The following UBAP2 variants were observed in gnomAD, a reference collection of about 807,000 sequenced individuals.
The protein encoded by UBAP2 is ubiquitin-associated protein 2.
In UBAP2, 75 loss-of-function variants were observed where a neutral mutation model predicts 139.6. The ratio of observed to expected loss-of-function variants is 0.54; its 90% CI spans 0.45 to 0.65. The LOEUF (loss-of-function observed/expected upper bound fraction) is 0.65. Among genes scored for constraint, UBAP2 ranks in the 30% least tolerant of loss-of-function variants. The pLI, the probability that UBAP2 is intolerant of heterozygous loss-of-function variation, is 0.00. For missense variants in UBAP2, 1,368 were observed against 1,369.6 expected, an observed-to-expected ratio of 1.00 and a Z score of 0.02; for synonymous variants, 526 against 526.2, an observed-to-expected ratio of 1.00 and a Z score of 0.01.
chr9:33,948,212 T>C (rs959671546), intron 13 of UBAP2, among the ~76,000 whole-genome samples, 162 bp downstream of exon 13: 16 of 152,168 alleles, frequency 1.1e-4, no homozygotes, highest in Non-Finnish European at 1.8e-4. Context: ...AATGCAAGTA[T>C]TGTATAACAA....
At chr9:34,013,896 A>G (rs1008259344) in intron 2 of UBAP2, among the ~76,000 whole-genome samples, 1 of 152,084 alleles carries the variant, frequency 6.6e-6, no homozygotes, top group African/African-American at 2.4e-5. Context: ...AAGAAAGAAA[A>G]AAATTGCCAA....
intron 2 of UBAP2, chr9:34,011,654 G>A: frequency 1.0e-6 from 1 of 987,476 alleles, no homozygotes; most frequent in African/African-American, 1.7e-5. Context: ...AGTGTCAAGA[G>A]GTCGGTACAG....
At chr9:34,012,305 CG>C (rs1823820413) in intron 2 of UBAP2, among the ~76,000 whole-genome samples, 1 of 152,066 alleles carries the variant, frequency 6.6e-6, no homozygotes, top group South Asian at 2.1e-4. Flanking sequence ...TCAAGGCAGG[CG>C]GATCACCTAA....
At chr9:33,956,317 A>AT (rs55858327) in intron 10 of UBAP2, among the ~76,000 whole-genome samples, 171 bp from the exon 11 acceptor site, 57 of 134,002 alleles carry the variant, frequency 4.3e-4, no homozygotes, top group African/African-American at 1.1e-3. Context: ...AGTGAATGCA[A>AT]TTTTTTTTTT....
At chr9:33,960,210 G>A (rs1202821323) in intron 10 of UBAP2, among the ~76,000 whole-genome samples, 3 of 151,866 alleles carry the variant, frequency 2.0e-5, no homozygotes, top group East Asian at 1.9e-4. Flanking sequence ...GAGTGCTGTT[G>A]TGAGTCACTA....
In UBAP2 at chr9:33,933,495, A is replaced by C. The variant is rs1158308096; in HGVS notation, c.2103T>G (p.Leu701=). 1 of 1,613,676 alleles carries C rather than the reference A, an allele frequency of 6.2e-7. No individual in the cohort carries two copies. Among genetic ancestry groups the C allele is most frequent in the Admixed American group, 1.7e-5 (1 of 60,000 alleles). Residue 701 remains leucine, a synonymous_variant, in exon 18 of 29, where the codon CTT becomes CTG. Coordinates refer to ENST00000379238, the MANE Select transcript of UBAP2 (RefSeq NM_001370062.2). ...GDLTSSPLSQ[L]SSSLSSHQSS... The stretch of plus-strand genomic sequence containing the variant: ...GGCCCACACCTTCCCCATACCTGCT[A>C]AGCTGAGAGAGAGGGCTGCTAGTCA...
intron 6 of UBAP2, among the ~76,000 whole-genome samples, chr9:33,977,108 G>A (rs1278798019): frequency 3.4e-5 from 5 of 148,104 alleles, no homozygotes; most frequent in Non-Finnish European, 4.5e-5. Flanking sequence ...GCGCCACCTC[G>A]GCTCACTGCA....
rs544146872 is a variant in UBAP2 at position 33,976,290 on chromosome 9, C to T, written c.521-3053G>A. The stretch of plus-strand genomic sequence containing the variant: ...AAAAAAATGCAGTATATTCATACAA[C>T]ATTATATTATATTGCCATAAAAAGG... On this transcript the variant is annotated intron_variant, in intron 6 of 28. Coordinates refer to ENST00000379238, the MANE Select transcript of UBAP2 (RefSeq NM_001370062.2). 4.1e-4 allele frequency among the ~76,000 whole-genome samples: 62 copies of T among 152,136 alleles called. 1 individual carries two copies. The highest frequency in any genetic ancestry group is 1.4e-3 in the African/African-American group (57 of 41,490).
intron 9 of UBAP2, among the ~76,000 whole-genome samples, chr9:33,963,486 G>A (rs934617492): frequency 6.6e-6 from 1 of 152,172 alleles, no homozygotes; most frequent in Non-Finnish European, 1.5e-5. Flanking sequence ...TCTAACGAAT[G>A]TATGTTAAGG....
chr9:33,980,022 G>A (rs112353215), intron 6 of UBAP2, among the ~76,000 whole-genome samples: 7,812 of 151,530 alleles, frequency 0.052, 693 homozygotes, highest in African/African-American at 0.18. Context: ...GCAGTGAGCC[G>A]AGATCACGCC....
intron 2 of UBAP2, among the ~76,000 whole-genome samples, chr9:34,002,294 C>T (rs1179640504): frequency 6.6e-6 from 1 of 151,806 alleles, no homozygotes; most frequent in African/African-American, 2.4e-5. Flanking sequence ...TAACATACTA[C>T]CATGTGGAAT....
At chr9:33,963,843 ATT>A in intron 8 of UBAP2, 52 bp from the exon 9 acceptor site, 1 of 1,273,620 alleles carries the variant, frequency 7.9e-7, no homozygotes, top group Non-Finnish European at 1.1e-6. Context: ...GAATGAAAGT[ATT>A]CATCACAGAG....
Position 33,922,870 on chromosome 9 carries a change from G to T in UBAP2, c.3081C>A (p.Asp1027Glu). 6.3e-7 allele frequency: 1 copy of T among 1,595,978 alleles called. No individual in the cohort carries two copies. Residue 1027 changes from aspartate (D) to glutamate (E), a missense_variant, in exon 28 of 29, where the codon GAC (aspartate) becomes GAA (glutamate). Coordinates refer to ENST00000379238, the MANE Select transcript of UBAP2 (RefSeq NM_001370062.2). ...GSVYNKTQTF[D>E]KQGFHAGTPP... ...GCGTCCCTGCATGAAATCCCTGCTT[G>T]TCAAAAGTCTACAGGGCAAAGAAGA...
At chr9:34,036,982 ATTTTT>A (rs141751803) in intron 1 of UBAP2, among the ~76,000 whole-genome samples, 22 of 57,432 alleles carry the variant, frequency 3.8e-4, no homozygotes, top group Admixed American at 1.0e-3. Flanking sequence ...ACACCCAGCT[ATTTTT>A]TTTTTTTTTT....
At chr9:34,040,395 A>T (rs906318130) in intron 1 of UBAP2, among the ~76,000 whole-genome samples, 2 of 151,792 alleles carry the variant, frequency 1.3e-5, no homozygotes, top group African/African-American at 4.8e-5. Context: ...GACTAAATAT[A>T]ATGGCAGACA....
rs113378294 is a variant in UBAP2 at position 34,042,346 on chromosome 9, C to T, written c.-42+6479G>A. Among the ~76,000 whole-genome samples, 382 of 151,794 alleles carry T rather than the reference C, an allele frequency of 2.5e-3. 4 individuals are homozygous for T. The highest frequency in any genetic ancestry group is 8.5e-3 in the African/African-American group (353 of 41,392). On this transcript the variant is annotated intron_variant, in intron 1 of 28. Coordinates refer to ENST00000379238, the MANE Select transcript of UBAP2 (RefSeq NM_001370062.2). ...ACAAAAAATTAGCCAGGCGTGGTGG[C>T]GGGCACCTATAATCCGAGCTACTCG... is the stretch of plus-strand genomic sequence containing the variant.
At chr9:34,038,065 A>T (rs762434546) in intron 1 of UBAP2, among the ~76,000 whole-genome samples, 30 of 147,104 alleles carry the variant, frequency 2.0e-4, no homozygotes, top group Non-Finnish European at 4.0e-4. Flanking sequence ...GGTACCCAAG[A>T]GGCTAAGGTG....
intron 10 of UBAP2, among the ~76,000 whole-genome samples, chr9:33,957,121 T>C (rs1241824699): frequency 6.6e-6 from 1 of 152,062 alleles, no homozygotes; most frequent in African/African-American, 2.4e-5. Context: ...ATTAAGAAGT[T>C]TGTAAAGGTG....
At chr9:33,962,578 G>T (rs1299724764) in intron 9 of UBAP2, among the ~76,000 whole-genome samples, 1 of 151,974 alleles carries the variant, frequency 6.6e-6, no homozygotes, top group South Asian at 2.1e-4. Context: ...CCCAGGAGGC[G>T]GAGGTTGCAG....
Sources: allele counts gnomAD v4.1 joint callset (sites outside exome capture counted in the v4.1 genomes callset), GRCh38; gene constraint gnomAD v4.1.1; transcripts MANE v1.5; gene names NCBI Gene and HGNC (gene_info 2026-07-23, HGNC 2026-07-21).